Variants in TLE1 observed in about 807,000 individuals in gnomAD.
TLE1 encodes TLE family member 1, transcriptional corepressor, also known as transducin-like enhancer protein 1.
In TLE1, 21 loss-of-function variants were observed where a neutral mutation model predicts 89.8. The ratio of observed to expected loss-of-function variants is 0.23; its 90% confidence interval spans 0.17 to 0.34. TLE1 has a LOEUF of 0.34. Among genes scored for constraint, TLE1 ranks in the 10% least tolerant of loss-of-function variants. The pLI is 1.00. For missense variants in TLE1, 795 were observed against 1,031.2 expected (o/e 0.77, Z 3.14); for synonymous variants, 447 against 407.6 (o/e 1.10, Z -1.16).
At position 81,685,818 on chromosome 9, in the gene TLE1, A is replaced by G. The variant is rs150975770; in HGVS notation, c.189+15T>C. The G allele has an allele frequency of 4.3e-6, 7 of 1,613,966 alleles. No homozygotes were observed. Among genetic ancestry groups the G allele is most frequent in the African/African-American group, 1.3e-5 (1 of 75,048 alleles). ...ATCATATGAAAAAGGAAAAAGTCCA[A>G]TCTTTGATACCTACCATCACATAGT... is the stretch of plus-strand genomic sequence containing the variant. On this transcript the variant is annotated intron_variant, in intron 3 of 19. Transcript: ENST00000376499.
At chr9:81,584,396 A>T in intron 19 of TLE1, 52 bp downstream of exon 19, 1 of 1,611,582 alleles carries the variant, frequency 6.2e-7, no homozygotes, top group East Asian at 2.2e-5. Flanking sequence ...TCCTGGCTTC[A>T]GAGGCGACAC....
chr9:81,623,184 T>TA (rs1199261482), intron 8 of TLE1, among the ~76,000 whole-genome samples: 1 of 152,146 alleles, frequency 6.6e-6, no homozygotes, highest in Non-Finnish European at 1.5e-5. Flanking sequence ...ACTTTGTGGG[T>TA]ACTGCATTTC....
chr9:81,652,138 C>CACACACACGT, intron 6 of TLE1, 76 bp downstream of exon 6: 1 of 1,417,548 alleles, frequency 7.1e-7, no homozygotes, highest in African/African-American at 1.4e-5. Flanking sequence ...CACACACACA[C>CACACACACGT]GTAAAGCCAT....
chr9:81,599,941 G>T, intron 14 of TLE1: 1 of 523,406 alleles, frequency 1.9e-6, no homozygotes, highest in Non-Finnish European at 3.5e-6. Context: ...TTCTTAAAAT[G>T]GATATGTAAA....
Position 81,688,383 on chromosome 9 carries a change from G to C in TLE1, c.-143C>G. 3.1e-6 allele frequency: 3 copies of C among 959,634 alleles called. No individual in the cohort carries two copies. The highest frequency in any genetic ancestry group is 4.3e-6 in the Non-Finnish European group (3 of 697,148). 59.4% of individuals were successfully genotyped at this position (959,634 alleles called of 1,614,324 possible). ...TGGCCACGCACGCGCGCTCCGCCGG[G>C]CGCACCGGCCACTCGGCGCCCGCAG... On this transcript the variant is annotated 5_prime_UTR_variant, in exon 1 of 20. Transcript: ENST00000376499.
chr9:81,643,390 C>T (rs1022379071), intron 6 of TLE1, among the ~76,000 whole-genome samples: 3 of 152,046 alleles, frequency 2.0e-5, no homozygotes, highest in Non-Finnish European at 4.4e-5. Context: ...GCATGTGCCA[C>T]CACGCCAGGC....
intron 7 of TLE1, chr9:81,633,784 T>C (rs995278090): frequency 3.1e-5 from 15 of 479,294 alleles, no homozygotes; most frequent in African/African-American, 2.9e-4. Flanking sequence ...AACATTACTT[T>C]CTTTGAAAAT....
intron 4 of TLE1, among the ~76,000 whole-genome samples, chr9:81,679,132 A>T (rs762009314): frequency 4.6e-5 from 7 of 152,220 alleles, no homozygotes; most frequent in Non-Finnish European, 1.0e-4. Flanking sequence ...TGGGTAACAG[A>T]TTAAGACTCT....
chr9:81,654,653 T>C (rs1829950183), intron 4 of TLE1, among the ~76,000 whole-genome samples: 1 of 152,214 alleles, frequency 6.6e-6, no homozygotes, highest in Non-Finnish European at 1.5e-5. Flanking sequence ...GTGTACTTTT[T>C]CAATGATGGC....
At chr9:81,667,656 C>T (rs1434577842) in intron 4 of TLE1, among the ~76,000 whole-genome samples, 1 of 152,052 alleles carries the variant, frequency 6.6e-6, no homozygotes, top group African/African-American at 2.4e-5. Context: ...CATTCCTGGC[C>T]CCTCAAACTC....
intron 6 of TLE1, among the ~76,000 whole-genome samples, chr9:81,650,124 C>T (rs1829362101): frequency 6.6e-6 from 1 of 152,306 alleles, no homozygotes; most frequent in East Asian, 1.9e-4. Context: ...TTATAATAAC[C>T]TCCACAACAT....
chr9:81,651,244 T>A (rs1829490720), intron 6 of TLE1, among the ~76,000 whole-genome samples: 1 of 152,156 alleles, frequency 6.6e-6, no homozygotes, highest in Non-Finnish European at 1.5e-5. Flanking sequence ...CACTCACATA[T>A]GAATAAAATC....
At position 81,615,978 on chromosome 9, in the gene TLE1, C is replaced by T; in HGVS notation, c.918+4G>A. 2 of 1,613,436 alleles carry T rather than the reference C, an allele frequency of 1.2e-6. No individual in the cohort carries two copies. Among genetic ancestry groups the T allele is most frequent in the Non-Finnish European group, 1.7e-6 (2 of 1,179,988 alleles). On this transcript the variant is annotated splice_donor_region_variant and intron_variant, in intron 11 of 19. Coordinates refer to ENST00000376499, the MANE Select transcript of TLE1 (RefSeq NM_005077.5). ...ACAGGCAAGTGTCAGTTTTCTTTAC[C>T]TACCAAGCTCATTTCTTTGGATTTC...
In TLE1 at chr9:81,688,550, C is replaced by T. The variant is rs918263647; in HGVS notation, c.-310G>A. On this transcript the variant is annotated 5_prime_UTR_variant, in exon 1 of 20. Coordinates refer to ENST00000376499, the MANE Select transcript of TLE1 (RefSeq NM_005077.5). ...GTGCGCGGGGGCAGCGCTCCAACCC[C>T]CGGCCTCAGCTGCCCGGGCGGGGAG... 6.9e-5 allele frequency: 22 copies of T among 318,394 alleles called. No homozygotes were observed. The highest frequency in any genetic ancestry group is 9.6e-5 in the Non-Finnish European group (17 of 176,598). 19.7% of individuals were successfully genotyped at this position (318,394 alleles called of 1,614,324 possible). A position where few individuals can be genotyped will look rare whatever the true frequency, so the allele number is the denominator to read the frequency against.
intron 8 of TLE1, among the ~76,000 whole-genome samples, chr9:81,628,532 A>T (rs1170056424): frequency 6.6e-6 from 1 of 151,986 alleles, no homozygotes; most frequent in Non-Finnish European, 1.5e-5. Context: ...TTTGAGACAA[A>T]GTGATGGATG....
At chr9:81,584,672 A>C (rs1324752529) in intron 18 of TLE1, 148 bp from the exon 19 acceptor site, 1 of 697,610 alleles carries the variant, frequency 1.4e-6, no homozygotes, top group South Asian at 1.9e-5. Context: ...CAGAGGTTTT[A>C]ATCTGGGCTC....
intron 12 of TLE1, 39 bp from the exon 13 acceptor site, chr9:81,611,998 C>T: frequency 7.2e-7 from 1 of 1,394,880 alleles, no homozygotes; most frequent in Non-Finnish European, 9.4e-7. Flanking sequence ...TCAACTGACC[C>T]ACTCCATCAA....
intron 12 of TLE1, chr9:81,612,274 C>G: frequency 9.0e-7 from 1 of 1,105,992 alleles, no homozygotes; most frequent in East Asian, 4.9e-5. Flanking sequence ...AACCAAGGCA[C>G]AGGCACCAAG....
intron 4 of TLE1, among the ~76,000 whole-genome samples, chr9:81,684,119 T>C (rs1389462646): frequency 6.8e-6 from 1 of 147,928 alleles, no homozygotes; most frequent in Non-Finnish European, 1.5e-5. Context: ...ATATCTGTTA[T>C]CCAAAAAAAA....
Sources: gnomAD v4.1 joint callset for allele counts (sites outside exome capture counted in the v4.1 genomes callset) on GRCh38, gnomAD v4.1.1 for gene constraint, MANE v1.5 for transcripts, NCBI Gene and HGNC (gene_info 2026-07-23, HGNC 2026-07-21) for gene names.